Variants in NPR3 observed in about 807,000 individuals in gnomAD.
The protein encoded by NPR3 is natriuretic peptide receptor 3.
In NPR3, 34 loss-of-function variants were observed where a neutral mutation model predicts 54.5. The ratio of observed to expected loss-of-function variants is 0.62; its 90% CI spans 0.47 to 0.83. NPR3 has a LOEUF of 0.83. NPR3 is among the 40% of genes least tolerant of loss of function. The pLI is 0.00. For synonymous variants in NPR3, 289 were observed against 297.1 expected, an observed-to-expected ratio of 0.97 and a Z score of 0.28; for missense variants, 674 against 720.8, an observed-to-expected ratio of 0.94 and a Z score of 0.74.
At chr5:32,736,800 A>G (rs1171082048) in intron 2 of NPR3, among the ~76,000 whole-genome samples, 2 of 152,060 alleles carry the variant, frequency 1.3e-5, no homozygotes, top group Admixed American at 1.3e-4. Context: ...GGAGAGGAGG[A>G]GGACTTTGTC....
chr5:32,745,606 C>A (rs965123961), intron 3 of NPR3, among the ~76,000 whole-genome samples: 7 of 152,212 alleles, frequency 4.6e-5, no homozygotes, highest in Non-Finnish European at 8.8e-5. Context: ...CATAAGGGGG[C>A]AAACCCATGA....
chr5:32,769,867 C>A (rs1020277586), intron 3 of NPR3, among the ~76,000 whole-genome samples: 6 of 152,190 alleles, frequency 3.9e-5, no homozygotes, highest in Admixed American at 2.0e-4. Context: ...TTGAGGGATT[C>A]ATCTAACTAT....
chr5:32,692,542 T>C (rs1449171643), intron 1 of NPR3, among the ~76,000 whole-genome samples: 2 of 152,236 alleles, frequency 1.3e-5, no homozygotes, highest in African/African-American at 4.8e-5. Context: ...GATGTTACAA[T>C]ATGATTACCA....
intron 1 of NPR3, among the ~76,000 whole-genome samples, chr5:32,697,415 C>T (rs1161394413): frequency 2.0e-5 from 3 of 150,470 alleles, no homozygotes; most frequent in Admixed American, 2.0e-4. Context: ...CACCAATGTT[C>T]GTCAGAGATA....
intron 6 of NPR3, among the ~76,000 whole-genome samples, chr5:32,784,515 G>A (rs1742504678): frequency 6.6e-6 from 1 of 152,122 alleles, no homozygotes; most frequent in Non-Finnish European, 1.5e-5. Flanking sequence ...GTTTTCCTCT[G>A]ATTCTTGAAT....
intron 2 of NPR3, among the ~76,000 whole-genome samples, chr5:32,731,451 C>G (rs1036308950): frequency 5.3e-5 from 8 of 152,110 alleles, no homozygotes; most frequent in African/African-American, 1.9e-4. Flanking sequence ...CATAACTCTG[C>G]CCTCCCCTGC....
intron 3 of NPR3, among the ~76,000 whole-genome samples, chr5:32,757,276 T>G (rs1740897683): frequency 6.6e-6 from 1 of 152,174 alleles, no homozygotes; most frequent in Non-Finnish European, 1.5e-5. Flanking sequence ...CTCTTTTATT[T>G]CATTGAGCAG....
intron 3 of NPR3, among the ~76,000 whole-genome samples, chr5:32,745,668 G>C (rs141019099): frequency 2.2e-4 from 33 of 152,304 alleles, no homozygotes; most frequent in Non-Finnish European, 3.7e-4. Flanking sequence ...AGCAACACAG[G>C]CTGAAGTATT....
chr5:32,697,139 G>A (rs1740551280), intron 1 of NPR3, among the ~76,000 whole-genome samples: 1 of 152,122 alleles, frequency 6.6e-6, no homozygotes, highest in Non-Finnish European at 1.5e-5. Flanking sequence ...TTATTGTGTT[G>A]ACATATGTTC....
In NPR3 at chr5:32,735,996, C is replaced by T. The variant is rs375199019; in HGVS notation, c.893-2868C>T. 2.6e-5 allele frequency among the ~76,000 whole-genome samples: 4 copies of T among 151,932 alleles called. No homozygotes were observed. In the East Asian group the frequency reaches 5.8e-4, roughly 22 times the overall value. ...CTGTAATCCCAACACTTTGGGAGGC[C>T]GAGGCAGGTGGATCACTTGAGGTCA... On this transcript the variant is annotated intron_variant, in intron 2 of 7. Coordinates refer to ENST00000265074, the MANE Select transcript of NPR3 (RefSeq NM_001204375.2).
intron 3 of NPR3, among the ~76,000 whole-genome samples, chr5:32,746,836 A>G (rs1304425326): frequency 6.6e-6 from 1 of 152,104 alleles, no homozygotes; most frequent in African/African-American, 2.4e-5. Flanking sequence ...CACTTTTGAG[A>G]CCCATTCACT....
chr5:32,767,624 T>G (rs1252024640), intron 3 of NPR3, among the ~76,000 whole-genome samples: 1 of 152,180 alleles, frequency 6.6e-6, no homozygotes, highest in Admixed American at 6.5e-5. Context: ...AAACTCTAAA[T>G]TAAGAATTGG....
intron 3 of NPR3, among the ~76,000 whole-genome samples, chr5:32,769,918 G>A (rs891459454): frequency 5.3e-5 from 8 of 152,362 alleles, no homozygotes; most frequent in South Asian, 2.1e-4. Flanking sequence ...GACGTGGCTC[G>A]CTGCCACGGT....
In NPR3 at chr5:32,714,872, C is replaced by A. The variant is rs1360688974; in HGVS notation, c.769+2327C>A. ...GCAGTGAAGTTTCTGGCTCAGTCAC[C>A]GGCTGGGGGATCTTGGACTGCTATG... is the stretch of plus-strand genomic sequence containing the variant. On this transcript the variant is annotated intron_variant, in intron 1 of 7. Coordinates refer to ENST00000265074, the MANE Select transcript of NPR3 (RefSeq NM_001204375.2). Among the ~76,000 whole-genome samples the A allele has an allele frequency of 2.6e-5, 4 of 152,146 alleles. No homozygotes were observed. The East Asian group carries it at 7.7e-4, about 29-fold the overall frequency.
intron 1 of NPR3, 56 bp downstream of exon 1, chr5:32,712,601 C>T (rs1738317236): frequency 1.4e-6 from 2 of 1,469,472 alleles, no homozygotes; most frequent in Non-Finnish European, 1.8e-6. Context: ...CTCCGCGGCT[C>T]TCCCTGCACA....
chr5:32,743,210 T>C (rs928930080), intron 3 of NPR3, among the ~76,000 whole-genome samples: 1 of 152,232 alleles, frequency 6.6e-6, no homozygotes, highest in African/African-American at 2.4e-5. Flanking sequence ...GACTTTTTAG[T>C]AGAGGTAATT....
At chr5:32,724,873 C>G in intron 2 of NPR3, 53 bp downstream of exon 2, 1 of 1,603,546 alleles carries the variant, frequency 6.2e-7, no homozygotes, top group Non-Finnish European at 8.5e-7. Context: ...GAGAGGTTGT[C>G]AGATGCCCAT....
At chr5:32,774,990 C>T (rs1741968712) in intron 4 of NPR3, 147 bp downstream of exon 4, 2 of 667,326 alleles carry the variant, frequency 3.0e-6, no homozygotes, top group Non-Finnish European at 5.3e-6. Flanking sequence ...GCTTGTTGTA[C>T]CAATTAAATG....
chr5:32,761,834 G>A (rs1327834101), intron 3 of NPR3, among the ~76,000 whole-genome samples: 1 of 150,198 alleles, frequency 6.7e-6, no homozygotes, highest in Non-Finnish European at 1.5e-5. Flanking sequence ...GGATACATAT[G>A]CAGAATGTGC....
Sources: gnomAD v4.1 joint callset for allele counts (sites outside exome capture counted in the v4.1 genomes callset) on GRCh38, gnomAD v4.1.1 for gene constraint, MANE v1.5 for transcripts, NCBI Gene and HGNC (gene_info 2026-07-23, HGNC 2026-07-21) for gene names.